Variants in SLC22A5 observed in about 807,000 individuals in gnomAD.
The protein encoded by SLC22A5 is solute carrier family 22 member 5.
In SLC22A5, 44 loss-of-function variants were observed where a neutral mutation model predicts 56.7. The observed-to-expected ratio is 0.78, with a 90% CI of 0.61 to 1.00. SLC22A5 has a LOEUF of 1.00. SLC22A5 is among the 50% of genes least tolerant of loss of function. The pLI, the probability that SLC22A5 is intolerant of heterozygous loss-of-function variation, is 0.00. For missense variants in SLC22A5, 675 were observed against 723.0 expected (o/e 0.93, Z 0.76); for synonymous variants, 278 against 292.1 (o/e 0.95, Z 0.49).
At chr5:132,374,426 A>G (rs1236347978) in intron 1 of SLC22A5, among the ~76,000 whole-genome samples, 1 of 152,074 alleles carries the variant, frequency 6.6e-6, no homozygotes, top group African/African-American at 2.4e-5. Flanking sequence ...TGTTATCCCC[A>G]AAGCTGCCTG....
At chr5:132,373,260 C>T (rs1020349320) in intron 1 of SLC22A5, among the ~76,000 whole-genome samples, 32 of 152,176 alleles carry the variant, frequency 2.1e-4, no homozygotes, top group Admixed American at 9.8e-4. Context: ...TGTGACTCCC[C>T]CTGCCCACTG....
intron 2 of SLC22A5, chr5:132,383,337 C>T (rs2077276335): frequency 1.3e-5 from 2 of 151,398 alleles, no homozygotes; most frequent in Admixed American, 1.3e-4. Flanking sequence ...GATTCTCCTT[C>T]TATCGCCTTC....
rs758808008 is a variant in SLC22A5, at chr5:132,370,181, G to C, written c.209G>C (p.Arg70Pro). The change falls in exon 1 of 10, where the codon CGG becomes CCG. Residue 70 changes from arginine (R) to proline (P), a missense_variant. By Grantham distance (103) the Arg-to-Pro change is moderately radical. Coordinates refer to ENST00000245407, the MANE Select transcript of SLC22A5 (RefSeq NM_003060.4). The stretch of plus-strand genomic sequence containing the variant: ...TGGCGCAACCACACTGTCCCACTGC[G>C]GCTGCGGGACGGCCGCGAGGTGCCC... ...SAWRNHTVPL[R>P]LRDGREVPHS... 1 of 1,600,848 alleles carries C rather than the reference G, an allele frequency of 6.2e-7. No homozygotes were observed. Among genetic ancestry groups the C allele is most frequent in the Non-Finnish European group, 8.5e-7 (1 of 1,174,044 alleles).
At position 132,392,533 on chromosome 5, in the gene SLC22A5, A is replaced by G. The variant is rs142355575; in HGVS notation, c.1368A>G (p.Thr456=). ...VYVYTAELYP[T]VVRNMGVGVS... ...TGTACACAGCCGAGCTGTATCCCAC[A>G]GTGGTGAGAAACATGGGTGTGGGAG... Residue 456 remains threonine (T), a synonymous_variant, in exon 8 of 10, where the codon ACA becomes ACG. Coordinates refer to ENST00000245407, the MANE Select transcript of SLC22A5 (RefSeq NM_003060.4). The G allele has an allele frequency of 6.2e-4, 1,001 of 1,614,102 alleles. 5 individuals carry two copies. The African/African-American group carries it at 0.011, about 18-fold the overall frequency.
chr5:132,377,978 A>G (rs1434146790), intron 1 of SLC22A5: 3 of 921,198 alleles, frequency 3.3e-6, no homozygotes, highest in Non-Finnish European at 3.2e-6. Context: ...CCCTGCTTCC[A>G]GAACCACTCC....
rs1331373451 is a variant in SLC22A5, at chr5:132,390,865, G to A, written c.1228G>A (p.Gly410Ser). 1.2e-6 allele frequency: 2 copies of A among 1,614,054 alleles called. No homozygotes were observed. Among genetic ancestry groups the A allele is most frequent in the Non-Finnish European group, 1.7e-6 (2 of 1,180,036 alleles). Reference protein sequence around the residue: ...RYSMATALFLGGSVLLFMQLV... With the variant: ...RYSMATALFLSGSVLLFMQLV... ...TTCCATGGCCACTGCCCTCTTCCTG[G>A]GTGGCAGTGTCCTTCTCTTCATGCA... The change falls in exon 7 of 10, where the codon GGT becomes AGT. Residue 410 changes from glycine (G) to serine (S), a missense_variant. Physicochemically the swap from Gly to Ser is moderately conservative, Grantham distance 56. Transcript: ENST00000245407.
At chr5:132,388,848 C>T (rs1029995822) in intron 5 of SLC22A5, 73 bp from the exon 6 acceptor site, 5 of 949,858 alleles carry the variant, frequency 5.3e-6, no homozygotes, top group Non-Finnish European at 8.7e-6. Context: ...GCCAGGGATT[C>T]AAGTATGTTA....
chr5:132,387,437 AACAATAAAT>A (rs1200344388), intron 5 of SLC22A5, among the ~76,000 whole-genome samples: 2 of 152,270 alleles, frequency 1.3e-5, no homozygotes, highest in African/African-American at 4.8e-5. Flanking sequence ...CATTACTTCT[AACAATAAAT>A]ACTCTTTTTG....
At chr5:132,392,400 C>T in intron 7 of SLC22A5, 33 bp from the exon 8 acceptor site, 1 of 1,590,816 alleles carries the variant, frequency 6.3e-7, no homozygotes, top group Non-Finnish European at 8.6e-7. Flanking sequence ...TGGGTTGGTA[C>T]CTACTCCTAC....
chr5:132,378,247 CCTGA>C (rs780683823), intron 1 of SLC22A5, 127 bp from the exon 2 acceptor site: 28 of 1,614,038 alleles, frequency 1.7e-5, no homozygotes, highest in Admixed American at 8.3e-5. Context: ...TGAGCCATCA[CCTGA>C]CTAAGTGAGT....
intron 1 of SLC22A5, among the ~76,000 whole-genome samples, chr5:132,374,845 C>G (rs1752078000): frequency 6.6e-6 from 1 of 151,900 alleles, no homozygotes; most frequent in East Asian, 1.9e-4. Flanking sequence ...AACCTGAGGT[C>G]AGAGTTCAAG....
chr5:132,390,971 CAATT>C (rs2126790001), intron 7 of SLC22A5, 67 bp downstream of exon 7: 1 of 1,286,154 alleles, frequency 7.8e-7, no homozygotes, highest in Non-Finnish European at 1.1e-6. Context: ...CAGGCTGTCT[CAATT>C]AATAAAGAGA....
intron 1 of SLC22A5, chr5:132,376,463 C>G (rs560458440): frequency 6.6e-6 from 1 of 152,154 alleles, no homozygotes; most frequent in Non-Finnish European, 1.5e-5. Context: ...GTCACCCTGT[C>G]CCCTGCAGAG....
At chr5:132,376,232 C>T (rs911174388) in intron 1 of SLC22A5, 1 of 152,224 alleles carries the variant, frequency 6.6e-6, no homozygotes, top group Non-Finnish European at 1.5e-5. Context: ...TCACAGACCC[C>T]CTGCGGCCAA....
At chr5:132,375,219 C>G (rs1444170465) in intron 1 of SLC22A5, among the ~76,000 whole-genome samples, 2 of 152,220 alleles carry the variant, frequency 1.3e-5, no homozygotes, top group African/African-American at 4.8e-5. Context: ...TCCTGAGCCT[C>G]TCTTCTATAC....
At chr5:132,385,599 C>T in intron 4 of SLC22A5, 100 bp downstream of exon 4, 7 of 952,220 alleles carry the variant, frequency 7.4e-6, no homozygotes, top group Non-Finnish European at 1.0e-5. Flanking sequence ...ATTTTGTCTC[C>T]CAGAGACAGG....
At chr5:132,383,851 T>C in intron 2 of SLC22A5, 1 of 374,616 alleles carries the variant, frequency 2.7e-6, no homozygotes, top group East Asian at 5.1e-5. Context: ...AAAAATATCA[T>C]TATGAATGTA....
intron 1 of SLC22A5, among the ~76,000 whole-genome samples, chr5:132,374,639 C>T (rs1383763680): frequency 8.5e-5 from 13 of 152,084 alleles, no homozygotes; most frequent in Admixed American, 6.5e-4. Flanking sequence ...CCACTATGCA[C>T]GTACATAGTA....
intron 2 of SLC22A5, chr5:132,381,821 A>G (rs751184816): frequency 6.0e-4 from 92 of 152,256 alleles, no homozygotes; most frequent in South Asian, 2.1e-3. Flanking sequence ...TCTGGCCCCA[A>G]CCCTGAACTG....
Sources: gnomAD v4.1 joint callset for allele counts (sites outside exome capture counted in the v4.1 genomes callset) on GRCh38, gnomAD v4.1.1 for gene constraint, MANE v1.5 for transcripts, NCBI Gene and HGNC (gene_info 2026-07-23, HGNC 2026-07-21) for gene names.